Variants in BBS9 observed in about 807,000 individuals in gnomAD.
The protein encoded by BBS9 is Bardet-Biedl syndrome 9.
A neutral mutation model predicts 117.7 loss-of-function variants in BBS9; 89 were observed. The observed-to-expected ratio is 0.76, with a 90% CI of 0.64 to 0.90. The LOEUF (loss-of-function observed/expected upper bound fraction) is 0.90, where lower values mean the gene tolerates loss of function less well. Among genes scored for constraint, BBS9 ranks in the 40% least tolerant of loss-of-function variants. The pLI, the probability that BBS9 is intolerant of heterozygous loss-of-function variation, is 0.00. For synonymous variants in BBS9, 379 were observed against 370.9 expected, an observed-to-expected ratio of 1.02 and a Z score of -0.25; for missense variants, 982 against 1,042.2, an observed-to-expected ratio of 0.94 and a Z score of 0.80.
At chr7:33,405,849 T>G (rs1484178476) in intron 19 of BBS9, among the ~76,000 whole-genome samples, 18 of 152,272 alleles carry the variant, frequency 1.2e-4, no homozygotes, top group African/African-American at 4.1e-4. Flanking sequence ...TTTCCTTCAG[T>G]TCTGCTCTGA....
chr7:33,383,564 T>C, intron 17 of BBS9, 102 bp from the exon 18 acceptor site: 1 of 1,053,794 alleles, frequency 9.5e-7, no homozygotes, highest in South Asian at 1.4e-5. Context: ...GTTACAAAAA[T>C]GAAATCTTTG....
At chr7:33,324,616 T>C (rs1010825615) in intron 9 of BBS9, among the ~76,000 whole-genome samples, 4 of 147,246 alleles carry the variant, frequency 2.7e-5, no homozygotes, top group African/African-American at 5.0e-5. Context: ...TTTTTTTTTT[T>C]CCAGATTGAA....
At chr7:33,574,347 C>T (rs1426859586) in intron 21 of BBS9, among the ~76,000 whole-genome samples, 3 of 152,114 alleles carry the variant, frequency 2.0e-5, no homozygotes, top group Admixed American at 6.6e-5. Flanking sequence ...ATACACAGTG[C>T]TTACTATGTG....
chr7:33,459,437 G>A (rs1465861837), intron 19 of BBS9, among the ~76,000 whole-genome samples: 1 of 151,932 alleles, frequency 6.6e-6, no homozygotes, highest in African/African-American at 2.4e-5. Context: ...GGGCAGAGCA[G>A]CCCTCACAGC....
intron 5 of BBS9, 107 bp downstream of exon 5, chr7:33,177,698 TA>T: frequency 1.2e-6 from 1 of 838,618 alleles, no homozygotes; most frequent in Non-Finnish European, 2.0e-6. Flanking sequence ...AGAGTTAAAA[TA>T]GACATTTTAT....
rs1244890471 is a variant in BBS9, at chr7:33,177,469, T to C, written c.329-9T>C. 6.3e-7 allele frequency: 1 copy of C among 1,577,224 alleles called. No individual in the cohort carries two copies. The highest frequency in any genetic ancestry group is 2.2e-5 in the East Asian group (1 of 44,636). On this transcript the variant is annotated splice_polypyrimidine_tract_variant and intron_variant, in intron 4 of 22. Transcript: ENST00000242067. ...AAATACAAAGTAATCCTTTTTTTTT[T>C]TTCCTTAGGAACCTTGGGTAATGTG...
chr7:33,182,372 G>T (rs1008347858), intron 5 of BBS9, among the ~76,000 whole-genome samples: 7 of 152,224 alleles, frequency 4.6e-5, no homozygotes, highest in African/African-American at 1.7e-4. Flanking sequence ...TGCAGATAAG[G>T]TGTGACTCTC....
At chr7:33,153,916 A>G (rs1025980500) in intron 3 of BBS9, among the ~76,000 whole-genome samples, 1 of 152,190 alleles carries the variant, frequency 6.6e-6, no homozygotes, top group African/African-American at 2.4e-5. Context: ...TTTACAAAGT[A>G]AGGAGACAAA....
At chr7:33,580,304 AGAT>A (rs1252595165) in intron 21 of BBS9, among the ~76,000 whole-genome samples, 1 of 151,512 alleles carries the variant, frequency 6.6e-6, no homozygotes, top group African/African-American at 2.4e-5. Context: ...CACGTCTACT[AGAT>A]GATCACTCGA....
chr7:33,153,830 T>C (rs115940789), intron 3 of BBS9, among the ~76,000 whole-genome samples: 1,534 of 152,328 alleles, frequency 0.01, 28 homozygotes, highest in African/African-American at 0.035. Flanking sequence ...AAGTGGTTGG[T>C]AAATATCTAC....
intron 21 of BBS9, among the ~76,000 whole-genome samples, chr7:33,618,543 G>C (rs1865255045): frequency 6.6e-6 from 1 of 152,034 alleles, no homozygotes. Flanking sequence ...TTTGGTAACA[G>C]ATACACATTA....
chr7:33,239,426 T>G (rs1794087830), intron 5 of BBS9, among the ~76,000 whole-genome samples: 1 of 151,992 alleles, frequency 6.6e-6, no homozygotes, highest in African/African-American at 2.4e-5. Context: ...ACTTTTTTTT[T>G]TTGAGACAGA....
chr7:33,300,552 G>A (rs914010683), intron 9 of BBS9, among the ~76,000 whole-genome samples: 1 of 150,006 alleles, frequency 6.7e-6, no homozygotes, highest in Admixed American at 6.6e-5. Flanking sequence ...CTCTTTCCTT[G>A]CAGTTGCCAG....
intron 21 of BBS9, among the ~76,000 whole-genome samples, chr7:33,617,743 A>C (rs1460872813): frequency 6.6e-6 from 1 of 152,236 alleles, no homozygotes; most frequent in African/African-American, 2.4e-5. Context: ...TAAAGAACAC[A>C]GTGAATGAAC....
intron 21 of BBS9, among the ~76,000 whole-genome samples, chr7:33,596,298 A>ACT (rs1862768423): frequency 7.7e-6 from 1 of 129,856 alleles, no homozygotes; most frequent in Non-Finnish European, 1.6e-5. Flanking sequence ...ACACACACAC[A>ACT]CTTATATATG....
chr7:33,576,801 T>A (rs539843181), intron 21 of BBS9, among the ~76,000 whole-genome samples: 37 of 152,282 alleles, frequency 2.4e-4, no homozygotes, highest in Admixed American at 4.6e-4. Context: ...AAACAAGAAA[T>A]GGAGAAAGAA....
chr7:33,255,932 C>T (rs189766657), intron 5 of BBS9, among the ~76,000 whole-genome samples: 5 of 151,594 alleles, frequency 3.3e-5, no homozygotes, highest in Non-Finnish European at 5.9e-5. Context: ...CCAAGGTGGG[C>T]GGATCATGAG....
In BBS9 at chr7:33,133,877, A is replaced by G. The variant is rs537017923; in HGVS notation, c.-12+3836A>G. ...GTGTTTAAGTGTTAGAGGAACTTCT[A>G]GATTCCTTTCCAAAGTGGTTGCATC... On this transcript the variant is annotated intron_variant, in intron 1 of 22. Coordinates refer to ENST00000242067, the MANE Select transcript of BBS9 (RefSeq NM_198428.3). Among the ~76,000 whole-genome samples the G allele has an allele frequency of 2.6e-5, 4 of 152,324 alleles. 1 individual carries two copies. In the South Asian group the frequency reaches 8.3e-4, roughly 32 times the overall value.
At chr7:33,230,073 A>G (rs1341132681) in intron 5 of BBS9, among the ~76,000 whole-genome samples, 2 of 152,062 alleles carry the variant, frequency 1.3e-5, no homozygotes, top group African/African-American at 4.8e-5. Flanking sequence ...AGAAATGTCT[A>G]TTTATGTCTT....
Sources: gnomAD v4.1 joint callset for allele counts (sites outside exome capture counted in the v4.1 genomes callset) on GRCh38, gnomAD v4.1.1 for gene constraint, MANE v1.5 for transcripts, NCBI Gene and HGNC (gene_info 2026-07-23, HGNC 2026-07-21) for gene names.